GABRB3: variants seen among roughly 807,000 people sequenced by gnomAD.
GABRB3 encodes the protein gamma-aminobutyric acid receptor subunit beta-3.
GABRB3 carries 14 observed loss-of-function variants against 52.1 expected under a neutral mutation model. That is an observed-to-expected ratio of 0.27 (90% CI 0.18 to 0.42). GABRB3 has a LOEUF of 0.42. Ranked by LOEUF, GABRB3 falls within the 10% of genes least tolerant of loss-of-function variation. GABRB3 has a pLI of 1.00. For missense variants in GABRB3, 307 were observed against 609.1 expected (o/e 0.50, Z 5.22); for synonymous variants, 260 against 232.3 (o/e 1.12, Z -1.08).
At chr15:26,670,013 C>G (rs1399380370) in intron 3 of GABRB3, among the ~76,000 whole-genome samples, 1 of 152,222 alleles carries the variant, frequency 6.6e-6, no homozygotes, top group Non-Finnish European at 1.5e-5. Flanking sequence ...TTCCAATGCA[C>G]CCCTCATGCT....
chr15:26,571,742 A>G (rs12915684), intron 6 of GABRB3, among the ~76,000 whole-genome samples: 43,185 of 152,016 alleles, frequency 0.28, 6,728 homozygotes, highest in East Asian at 0.72. Context: ...GAAGTAAGAA[A>G]ATATACCATT....
chr15:26,673,932 C>T (rs1187252303), intron 3 of GABRB3, among the ~76,000 whole-genome samples: 1 of 152,130 alleles, frequency 6.6e-6, no homozygotes, highest in East Asian at 1.9e-4. Context: ...TTATGTAAGT[C>T]CTCTCTTAAA....
At chr15:26,694,397 C>T (rs548034746) in intron 3 of GABRB3, among the ~76,000 whole-genome samples, 53 of 152,286 alleles carry the variant, frequency 3.5e-4, no homozygotes, top group African/African-American at 1.3e-3. Flanking sequence ...CCCAACAGGG[C>T]TCTTGTGTAA....
chr15:26,729,486 A>C lies in GABRB3; in HGVS notation c.240+42916T>G, dbSNP rs545118953. ...CACACTGGACAAAAGCGCCAAGCTA[A>C]TGGCTAGCCTTTTAGGAGGCCTGCA... On this transcript the variant is annotated intron_variant, in intron 3 of 8. Coordinates refer to ENST00000311550, the MANE Select transcript of GABRB3 (RefSeq NM_000814.6). 2.0e-5 allele frequency among the ~76,000 whole-genome samples: 3 copies of C among 152,242 alleles called. No homozygotes were observed. The East Asian group carries it at 5.8e-4, about 29-fold the overall frequency.
intron 3 of GABRB3, among the ~76,000 whole-genome samples, chr15:26,694,996 A>G (rs570867872): frequency 6.6e-6 from 1 of 152,330 alleles, no homozygotes; most frequent in South Asian, 2.1e-4. Context: ...GTCAATAGAG[A>G]CTTTTCAAAC....
At chr15:26,571,390 A>T (rs1890388535) in intron 6 of GABRB3, among the ~76,000 whole-genome samples, 1 of 152,200 alleles carries the variant, frequency 6.6e-6, no homozygotes, top group Non-Finnish European at 1.5e-5. Flanking sequence ...ACTTCCCATC[A>T]TGTTTCTGTG....
chr15:26,580,986 C>T (rs1349700820), intron 5 of GABRB3, among the ~76,000 whole-genome samples: 1 of 152,154 alleles, frequency 6.6e-6, no homozygotes, highest in African/African-American at 2.4e-5. Context: ...TCTTCCTGGC[C>T]ACGAAGTTTG....
chr15:26,572,620 C>T (rs1595450219), intron 6 of GABRB3, among the ~76,000 whole-genome samples: 2 of 152,292 alleles, frequency 1.3e-5, no homozygotes, highest in Non-Finnish European at 1.5e-5. Flanking sequence ...ATGAAATATG[C>T]GGTATCTATG....
chr15:26,754,325 G>GAGAGAC (rs902851113), intron 3 of GABRB3, among the ~76,000 whole-genome samples: 29 of 152,308 alleles, frequency 1.9e-4, no homozygotes, highest in African/African-American at 5.8e-4. Flanking sequence ...CAAGAAAAGA[G>GAGAGAC]AGAGACAGAG....
chr15:26,724,668 G>A (rs1004769826), intron 3 of GABRB3, among the ~76,000 whole-genome samples: 19 of 152,138 alleles, frequency 1.2e-4, no homozygotes, highest in African/African-American at 4.1e-4. Flanking sequence ...ACCCTCAGAT[G>A]ATAACACCAC....
chr15:26,710,639 C>T (rs942566736), intron 3 of GABRB3, among the ~76,000 whole-genome samples: 1 of 152,126 alleles, frequency 6.6e-6, no homozygotes, highest in Non-Finnish European at 1.5e-5. Flanking sequence ...AATAGTTTTC[C>T]AGAGTGTCTA....
At chr15:26,703,522 C>T (rs1595539863) in intron 3 of GABRB3, among the ~76,000 whole-genome samples, 1 of 152,266 alleles carries the variant, frequency 6.6e-6, no homozygotes, top group African/African-American at 2.4e-5. Flanking sequence ...ATGCCAATAG[C>T]CCAAAAGTAT....
intron 4 of GABRB3, among the ~76,000 whole-genome samples, chr15:26,591,255 C>T (rs17560758): frequency 0.31 from 47,263 of 152,086 alleles, 9,199 homozygotes; most frequent in Middle Eastern, 0.46. Flanking sequence ...ATAACCGATA[C>T]GATAGTCAAC....
intron 3 of GABRB3, among the ~76,000 whole-genome samples, chr15:26,723,190 A>C (rs537546651): frequency 3.3e-4 from 51 of 152,358 alleles, no homozygotes; most frequent in African/African-American, 1.2e-3. Flanking sequence ...TGCAGAAGAC[A>C]TCTGTCAAAC....
intron 3 of GABRB3, among the ~76,000 whole-genome samples, chr15:26,646,162 T>G (rs1421878861): frequency 1.3e-5 from 2 of 152,118 alleles, no homozygotes; most frequent in East Asian, 3.9e-4. Flanking sequence ...CAGTCTAACT[T>G]TAGAACATAT....
At chr15:26,700,685 T>C (rs1465573497) in intron 3 of GABRB3, among the ~76,000 whole-genome samples, 3 of 148,592 alleles carry the variant, frequency 2.0e-5, no homozygotes, top group East Asian at 1.9e-4. Flanking sequence ...TAATTCAACA[T>C]ACTAAGAAAA....
intron 3 of GABRB3, among the ~76,000 whole-genome samples, chr15:26,699,379 T>A (rs112310272): frequency 0.015 from 2,252 of 151,774 alleles, 24 homozygotes; most frequent in Non-Finnish European, 0.022. Flanking sequence ...GGCAAAAATA[T>A]CCAGTACTCA....
intron 6 of GABRB3, among the ~76,000 whole-genome samples, chr15:26,577,178 C>T (rs1890622925): frequency 6.6e-6 from 1 of 151,978 alleles, no homozygotes; most frequent in South Asian, 2.1e-4. Context: ...TGCTCCAAAC[C>T]CTCAGACACA....
intron 3 of GABRB3, among the ~76,000 whole-genome samples, chr15:26,744,462 G>A (rs1374486079): frequency 1.3e-5 from 2 of 151,752 alleles, no homozygotes; most frequent in African/African-American, 4.8e-5. Context: ...GTCTTGCTCT[G>A]TTGCCCAGGC....
Sources: gnomAD v4.1 joint callset for allele counts (sites outside exome capture counted in the v4.1 genomes callset) on GRCh38, gnomAD v4.1.1 for gene constraint, MANE v1.5 for transcripts, NCBI Gene and HGNC (gene_info 2026-07-23, HGNC 2026-07-21) for gene names.